LHFPL3: variants seen among roughly 807,000 people sequenced by gnomAD.
The protein encoded by LHFPL3 is LHFPL tetraspan subfamily member 3 protein.
Under a neutral mutation model 19.3 loss-of-function variants are expected in LHFPL3, and 5 were observed. The ratio of observed to expected loss-of-function variants is 0.26; its 90% CI spans 0.14 to 0.54. The LOEUF is 0.54. LHFPL3 is among the 20% of genes least tolerant of loss of function. The pLI, the probability that LHFPL3 is intolerant of heterozygous loss-of-function variation, is 0.94. For synonymous variants in LHFPL3, 133 were observed against 126.2 expected (o/e 1.05, Z -0.36); for missense variants, 249 against 307.4 (o/e 0.81, Z 1.42).
rs1792646821 is a variant in LHFPL3, at chr7:104,679,146, A to T, written c.446-57529A>T. ...TGAGATTGCAGTCAAGCTGCTGGCC[A>T]GGGCTGCAGTCATCTGAGCCTGTAA... On this transcript the variant is annotated intron_variant, in intron 1 of 2. Transcript: ENST00000424859. Among the ~76,000 whole-genome samples the T allele has an allele frequency of 2.0e-5, 3 of 152,336 alleles. 1 individual carries two copies. The South Asian group carries it at 6.2e-4, about 32-fold the overall frequency.
chr7:104,730,851 T>C (rs1793686870), intron 1 of LHFPL3, among the ~76,000 whole-genome samples: 1 of 152,166 alleles, frequency 6.6e-6, no homozygotes, highest in South Asian at 2.1e-4. Flanking sequence ...ATCGCCTAGG[T>C]TTTCTTCTAG....
At chr7:104,875,908 C>T (rs1791930545) in intron 2 of LHFPL3, among the ~76,000 whole-genome samples, 1 of 152,226 alleles carries the variant, frequency 6.6e-6, no homozygotes, top group Non-Finnish European at 1.5e-5. Context: ...CTCTCTCCCA[C>T]GCACCAGACT....
chr7:104,475,995 C>T (rs1257443242), intron 1 of LHFPL3, among the ~76,000 whole-genome samples: 2 of 134,066 alleles, frequency 1.5e-5, no homozygotes, highest in Non-Finnish European at 3.4e-5. Flanking sequence ...GATTTTTCTT[C>T]TTGCCTGGGT....
At chr7:104,503,545 T>G (rs1793641334) in intron 1 of LHFPL3, among the ~76,000 whole-genome samples, 1 of 152,108 alleles carries the variant, frequency 6.6e-6, no homozygotes, top group South Asian at 2.1e-4. Context: ...ATTTCCATGT[T>G]TAAGAGTTTT....
chr7:104,658,780 A>T (rs1263299016), intron 1 of LHFPL3, among the ~76,000 whole-genome samples: 1 of 152,148 alleles, frequency 6.6e-6, no homozygotes, highest in East Asian at 1.9e-4. Flanking sequence ...ACAGAGCGAG[A>T]CTTCATCTCA....
At chr7:104,850,458 T>C (rs1369567838) in intron 2 of LHFPL3, among the ~76,000 whole-genome samples, 1 of 152,170 alleles carries the variant, frequency 6.6e-6, no homozygotes, top group Non-Finnish European at 1.5e-5. Context: ...TTTTGGGTGT[T>C]GTTTTCTGAG....
At chr7:104,902,699 T>G (rs193227034) in intron 2 of LHFPL3, among the ~76,000 whole-genome samples, 8 of 152,146 alleles carry the variant, frequency 5.3e-5, no homozygotes, top group Non-Finnish European at 8.8e-5. Flanking sequence ...GGCAGGAGAA[T>G]CGCTTGAACC....
chr7:104,499,079 C>T (rs1477193805), intron 1 of LHFPL3, among the ~76,000 whole-genome samples: 1 of 152,108 alleles, frequency 6.6e-6, no homozygotes, highest in Non-Finnish European at 1.5e-5. Context: ...GTCATTTTTA[C>T]TCCAAAAGTA....
At chr7:104,814,886 G>A (rs952791053) in intron 2 of LHFPL3, among the ~76,000 whole-genome samples, 4 of 152,184 alleles carry the variant, frequency 2.6e-5, no homozygotes, top group South Asian at 4.1e-4. Context: ...GAAACCAGGC[G>A]GCGGGAGCAG....
At chr7:104,363,469 T>C (rs1253268320) in intron 1 of LHFPL3, among the ~76,000 whole-genome samples, 1 of 152,250 alleles carries the variant, frequency 6.6e-6, no homozygotes, top group Non-Finnish European at 1.5e-5. Flanking sequence ...ACTCCTTACT[T>C]CTCTGATGAC....
intron 1 of LHFPL3, among the ~76,000 whole-genome samples, chr7:104,639,561 A>G (rs981246279): frequency 3.2e-4 from 49 of 152,172 alleles, no homozygotes; most frequent in African/African-American, 1.1e-3. Flanking sequence ...TGACTTTTTC[A>G]ACTATTTTTA....
At chr7:104,452,581 T>C (rs1051981839) in intron 1 of LHFPL3, among the ~76,000 whole-genome samples, 7 of 152,306 alleles carry the variant, frequency 4.6e-5, no homozygotes, top group African/African-American at 1.7e-4. Flanking sequence ...TTAGTTGACA[T>C]TTTTTTGTTT....
intron 1 of LHFPL3, among the ~76,000 whole-genome samples, chr7:104,650,374 TC>T: frequency 6.6e-6 from 1 of 152,300 alleles, no homozygotes; most frequent in African/African-American, 2.4e-5. Flanking sequence ...AGCAGACGAC[TC>T]CCAGACAAAA....
intron 2 of LHFPL3, among the ~76,000 whole-genome samples, chr7:104,793,872 G>C (rs1790069257): frequency 6.6e-6 from 1 of 152,158 alleles, no homozygotes; most frequent in African/African-American, 2.4e-5. Flanking sequence ...AAAGCGAACT[G>C]GTTTAGGGAT....
At chr7:104,534,242 G>GA (rs1302337395) in intron 1 of LHFPL3, among the ~76,000 whole-genome samples, 2 of 152,074 alleles carry the variant, frequency 1.3e-5, no homozygotes, top group African/African-American at 4.8e-5. Flanking sequence ...TCTCTCATCA[G>GA]AAAAAAATCC....
chr7:104,892,251 T>A (rs911262305), intron 2 of LHFPL3, among the ~76,000 whole-genome samples: 15 of 152,160 alleles, frequency 9.9e-5, no homozygotes, highest in Non-Finnish European at 1.9e-4. Flanking sequence ...AAACCCACAA[T>A]AACATGGAAG....
chr7:104,343,512 C>CAAAAAAAAA lies in LHFPL3; in HGVS notation c.445+14319_445+14327dup, dbSNP rs536122769. 8.4e-4 allele frequency among the ~76,000 whole-genome samples: 40 copies of CAAAAAAAAA among 47,472 alleles called. 7 individuals carry two copies. The highest frequency in any genetic ancestry group is 1.4e-3 in the Non-Finnish European group (34 of 24,042). The allele number at this position is 47,472 out of a possible 152,430, so 31.1% of individuals were successfully genotyped here. On this transcript the variant is annotated intron_variant, in intron 1 of 2. Transcript: ENST00000424859. ...TGGGCAACAGAGTGAGACTCTGTCT[C>CAAAAAAAAA]AAAAAAAAAAAAAAAAAAAAAAAAA...
At chr7:104,422,856 A>G (rs1334332015) in intron 1 of LHFPL3, among the ~76,000 whole-genome samples, 2 of 152,234 alleles carry the variant, frequency 1.3e-5, no homozygotes, top group Admixed American at 1.3e-4. Flanking sequence ...TCAGAGATGA[A>G]TAAGATGGAA....
At chr7:104,595,905 A>G (rs1790842642) in intron 1 of LHFPL3, among the ~76,000 whole-genome samples, 1 of 152,246 alleles carries the variant, frequency 6.6e-6, no homozygotes. Context: ...GCCGGTTGCT[A>G]AGACCTTGGG....
Sources: allele counts gnomAD v4.1 joint callset (sites outside exome capture counted in the v4.1 genomes callset), GRCh38; gene constraint gnomAD v4.1.1; transcripts MANE v1.5; gene names NCBI Gene and HGNC (gene_info 2026-07-23, HGNC 2026-07-21).